Variants in KRT76 observed in about 807,000 individuals in gnomAD.
KRT76 encodes the protein keratin, type II cytoskeletal 2 oral.
Under a neutral mutation model 44.9 loss-of-function variants are expected in KRT76, and 47 were observed. That is an observed-to-expected ratio of 1.05 (90% CI 0.83 to 1.33). The LOEUF (loss-of-function observed/expected upper bound fraction) is 1.33, where lower values mean the gene tolerates loss of function less well. Ranked by LOEUF, KRT76 falls within the 40% of genes most tolerant of loss-of-function variation. The pLI is 0.00. For synonymous variants in KRT76, 331 were observed against 294.1 expected, an observed-to-expected ratio of 1.13 and a Z score of -1.28; for missense variants, 860 against 775.8, an observed-to-expected ratio of 1.11 and a Z score of -1.29.
intron 7 of KRT76, among the ~76,000 whole-genome samples, chr12:52,770,715 C>T (rs777518785): frequency 2.0e-5 from 3 of 152,186 alleles, no homozygotes; most frequent in Non-Finnish European, 2.9e-5. Context: ...GTGGACAGCA[C>T]TGGTCTATCA....
In KRT76 at chr12:52,775,584, G is replaced by A; in HGVS notation, c.619C>T (p.Gln207Ter). 1.9e-6 allele frequency: 3 copies of A among 1,613,592 alleles called. No individual in the cohort carries two copies. Among genetic ancestry groups the A allele is most frequent in the Non-Finnish European group, 2.5e-6 (3 of 1,179,992 alleles). ...CACTTGGTCTCCAGGACCTTGTTCT[G>A]CTGTTCCAGGAACCGCACCTGCATG... Reference protein sequence around the residue: ...FIDKVRFLEQQNKVLETKWEL... With the variant: ...FIDKVRFLEQ The change falls in exon 2 of 9, where the codon CAG becomes TAG. Residue 207 changes from glutamine to a stop codon, truncating the protein, a stop_gained. Transcript: ENST00000332411. LOFTEE classifies it high-confidence loss of function.
At chr12:52,769,643 G>A in intron 7 of KRT76, 60 bp from the exon 8 acceptor site, 3 of 1,512,576 alleles carry the variant, frequency 2.0e-6, no homozygotes, top group Non-Finnish European at 2.8e-6. Context: ...AAAGAGTTGA[G>A]AGTTCACAAC....
At position 52,771,933 on chromosome 12, in the gene KRT76, T is replaced by A; in HGVS notation, c.1201A>T (p.Ile401Phe). 6.2e-7 allele frequency: 1 copy of A among 1,614,162 alleles called. No individual in the cohort carries two copies. Among genetic ancestry groups the A allele is most frequent in the Non-Finnish European group, 8.5e-7 (1 of 1,180,002 alleles). ...GDDLRNTKSE[I>F]MELNRMIQRL... ...TGGATCATCCTGTTGAGCTCCATGA[T>A]CTCACTCTTGGTGTTCCTCAGGTCA... The change falls in exon 6 of 9, where the codon ATC becomes TTC. Residue 401 changes from isoleucine (I) to phenylalanine (F), a missense_variant. Coordinates refer to ENST00000332411, the MANE Select transcript of KRT76 (RefSeq NM_015848.4).
chr12:52,776,214 A>G (rs1160507705), intron 1 of KRT76, among the ~76,000 whole-genome samples: 1 of 152,180 alleles, frequency 6.6e-6, no homozygotes, highest in Non-Finnish European at 1.5e-5. Flanking sequence ...CCCAGCATGG[A>G]CAGCTCAGTT....
chr12:52,774,776 G>A (rs1233916769), intron 2 of KRT76, among the ~76,000 whole-genome samples: 1 of 151,918 alleles, frequency 6.6e-6, no homozygotes, highest in African/African-American at 2.4e-5. Context: ...CGTCCCTGTG[G>A]GTTCTGATCC....
In KRT76 at chr12:52,768,735, C is replaced by G; in HGVS notation, c.1895G>C (p.Ser632Thr). The G allele has an allele frequency of 1.9e-6, 3 of 1,602,044 alleles. No individual in the cohort carries two copies. Among genetic ancestry groups the G allele is most frequent in the Non-Finnish European group, 2.6e-6 (3 of 1,170,432 alleles). ...SIRFSQTTSS[S>T]QHSSTK ...AGATCACTTGGTGGAGCTATGCTGGCTTGAGCTCGTGGTCTGGGAGAAGCG... is the reference window on the plus strand; with the variant it reads ...AGATCACTTGGTGGAGCTATGCTGGGTTGAGCTCGTGGTCTGGGAGAAGCG... Residue 632 changes from serine to threonine, a missense_variant, in exon 9 of 9, where the codon AGC (serine) becomes ACC (threonine). Coordinates refer to ENST00000332411, the MANE Select transcript of KRT76 (RefSeq NM_015848.4).
chr12:52,769,216 G>A, intron 8 of KRT76, 106 bp from the exon 9 acceptor site: 1 of 616,926 alleles, frequency 1.6e-6, no homozygotes. Context: ...CGAGAAAGAT[G>A]CTAACTTATC....
At position 52,770,877 on chromosome 12, in the gene KRT76, A is replaced by C. The variant is rs188418946; in HGVS notation, c.1484+122T>G. ...TGGGGCTTGAACCCTTGACTCTGTC[A>C]TTCAAGACACTCCTTGCCCTTTGTC... On this transcript the variant is annotated intron_variant, in intron 7 of 8. Coordinates refer to ENST00000332411, the MANE Select transcript of KRT76 (RefSeq NM_015848.4). The C allele has an allele frequency of 3.1e-6, 4 of 1,292,404 alleles. No individual in the cohort carries two copies. The Admixed American group carries it at 7.7e-5, about 25-fold the overall frequency. The allele number at this position is 1,292,404 out of a possible 1,614,324, so 80.1% of individuals were successfully genotyped here.
chr12:52,771,997 C>T lies in KRT76; in HGVS notation c.1138-1G>A, dbSNP rs1426767846. The T allele has an allele frequency of 1.9e-6, 3 of 1,613,114 alleles. No homozygotes were observed. Among genetic ancestry groups the T allele is most frequent in the Non-Finnish European group, 2.5e-6 (3 of 1,179,608 alleles). On this transcript the variant is annotated splice_acceptor_variant, in intron 5 of 8. Transcript: ENST00000332411. LOFTEE classifies it high-confidence loss of function. ...CAGCTGTGGTCTGCAGCTCCCCAAGCTGACAGAGGAAAAACCAATCAACGT... is the reference window on the plus strand; with the variant it reads ...CAGCTGTGGTCTGCAGCTCCCCAAGTTGACAGAGGAAAAACCAATCAACGT...
chr12:52,772,136 G>T lies in KRT76; in HGVS notation c.1095C>A (p.Ala365=). The change falls in exon 5 of 9, where the codon GCC becomes GCA. Residue 365 remains alanine (A), a synonymous_variant. Transcript: ENST00000332411. The stretch of plus-strand genomic sequence containing the variant: ...CCTCAGCTTCAGACTTGCTCCTCTG[G>T]GCAATCTCCTCATACTGGGCGCGGA... The part of the protein sequence containing the change: ...AEVRAQYEEI[A]QRSKSEAEAL... 1 of 1,613,300 alleles carries T rather than the reference G, an allele frequency of 6.2e-7. No homozygotes were observed. The highest frequency in any genetic ancestry group is 8.5e-7 in the Non-Finnish European group (1 of 1,179,544).
rs11170272 is a variant in KRT76 at position 52,777,217 on chromosome 12, G to A, written c.75C>T (p.Ser25=). 0.12 allele frequency: 194,025 copies of A among 1,614,118 alleles called. 13,079 individuals carry two copies. The highest frequency in any genetic ancestry group is 0.14 in the Non-Finnish European group (161,804 of 1,179,998). ...QGFSGRSAVV[S]GSSRMSCVAR... Reference sequence around the variant, plus strand: ...CCACACAGCTCATCCTGCTGCTGCCGGAGACCACAGCAGAGCGGCCAGAGA... The same window carrying A: ...CCACACAGCTCATCCTGCTGCTGCCAGAGACCACAGCAGAGCGGCCAGAGA... The change falls in exon 1 of 9, where the codon TCC becomes TCT. Residue 25 remains serine, a synonymous_variant. Transcript: ENST00000332411.
chr12:52,777,179 C>G lies in KRT76; in HGVS notation c.113G>C (p.Gly38Ala), dbSNP rs922180422. 7 of 1,614,106 alleles carry G rather than the reference C, an allele frequency of 4.3e-6. No homozygotes were observed. The African/African-American group carries it at 9.3e-5, about 22-fold the overall frequency. Reference protein sequence around the residue: ...SRMSCVARSGGAGGGACGFRS... With the variant: ...SRMSCVARSGAAGGGACGFRS... Reference sequence around the variant, plus strand: ...GAAGCCACAGGCCCCTCCACCAGCTCCCCCAGAGCGGGCCACACAGCTCAT... The same window carrying G: ...GAAGCCACAGGCCCCTCCACCAGCTGCCCCAGAGCGGGCCACACAGCTCAT... Residue 38 changes from glycine (G) to alanine (A), a missense_variant, in exon 1 of 9, where the codon GGA (glycine) becomes GCA (alanine). Physicochemically the swap from Gly to Ala is moderately conservative, Grantham distance 60. Transcript: ENST00000332411.
intron 4 of KRT76, 116 bp downstream of exon 4, chr12:52,772,667 G>T (rs1592294147): frequency 1.3e-6 from 1 of 761,958 alleles, no homozygotes; most frequent in East Asian, 2.5e-5. Flanking sequence ...GGGTGGAGCT[G>T]AGTCCTGAGC....
rs1939132685 is a variant in KRT76, at chr12:52,768,866, T to C, written c.1764A>G (p.Ala588=). 6.2e-7 allele frequency: 1 copy of C among 1,612,820 alleles called. No homozygotes were observed. The highest frequency in any genetic ancestry group is 8.5e-7 in the Non-Finnish European group (1 of 1,179,696). Residue 588 remains alanine, a synonymous_variant, in exon 9 of 9, where the codon GCA becomes GCG. Transcript: ENST00000332411. The part of the protein sequence containing the change: ...SSSSGSRLGG[A]GSISVSHSGM... The stretch of plus-strand genomic sequence containing the variant: ...CACTGTGGCTCACGGAGATGCTACC[T>C]GCACCGCCGAGCCTGCTCCCACTAC...
intron 7 of KRT76, 40 bp from the exon 8 acceptor site, chr12:52,769,623 G>GTCAA (rs779176923): frequency 1.8e-5 from 29 of 1,582,420 alleles, no homozygotes; most frequent in Middle Eastern, 3.3e-4. Flanking sequence ...TCTGTTATGA[G>GTCAA]TCAATAACCA....
intron 4 of KRT76, 108 bp downstream of exon 4, chr12:52,772,675 A>T: frequency 2.5e-6 from 2 of 795,718 alleles, no homozygotes; most frequent in Non-Finnish European, 4.4e-6. Context: ...CTGAGTCCTG[A>T]GCCCCATTGC....
At chr12:52,769,886 G>A (rs1939153402) in intron 7 of KRT76, among the ~76,000 whole-genome samples, 1 of 152,130 alleles carries the variant, frequency 6.6e-6, no homozygotes, top group South Asian at 2.1e-4. Flanking sequence ...CCCCTGCTAA[G>A]ACCATCTTCC....
Position 52,775,384 on chromosome 12 carries a change from T to A in KRT76, c.815+4A>T. 1 of 1,613,834 alleles carries A rather than the reference T, an allele frequency of 6.2e-7. No individual in the cohort carries two copies. The highest frequency in any genetic ancestry group is 1.7e-5 in the Admixed American group (1 of 60,026). On this transcript the variant is annotated splice_donor_region_variant and intron_variant, in intron 2 of 8. Coordinates refer to ENST00000332411, the MANE Select transcript of KRT76 (RefSeq NM_015848.4). ...AGGGGAAACTTCCCAGGAGGAGCCCTCACTTCTTTTTGAAGTCTTCCACCA... is the reference window on the plus strand; with the variant it reads ...AGGGGAAACTTCCCAGGAGGAGCCCACACTTCTTTTTGAAGTCTTCCACCA...
intron 7 of KRT76, among the ~76,000 whole-genome samples, chr12:52,770,125 C>G (rs1253051048): frequency 1.3e-5 from 2 of 152,136 alleles, no homozygotes; most frequent in Non-Finnish European, 2.9e-5. Context: ...GTTAATGGAG[C>G]AGGCACATCC....
Sources: gnomAD v4.1 joint callset for allele counts (sites outside exome capture counted in the v4.1 genomes callset) on GRCh38, gnomAD v4.1.1 for gene constraint, MANE v1.5 for transcripts, NCBI Gene and HGNC (gene_info 2026-07-23, HGNC 2026-07-21) for gene names.